Variants in SMURF2 observed in about 807,000 individuals in gnomAD.
SMURF2 encodes E3 ubiquitin-protein ligase SMURF2.
In SMURF2, 48 loss-of-function variants were observed where a neutral mutation model predicts 109.6. The observed-to-expected ratio is 0.44, with a 90% CI of 0.35 to 0.56. The LOEUF is 0.56. Among genes scored for constraint, SMURF2 ranks in the 20% least tolerant of loss-of-function variants. The pLI, the probability that SMURF2 is intolerant of heterozygous loss-of-function variation, is 0.01. For missense variants in SMURF2, 575 were observed against 909.0 expected, an observed-to-expected ratio of 0.63 and a Z score of 4.72; for synonymous variants, 288 against 317.1, an observed-to-expected ratio of 0.91 and a Z score of 0.97.
rs574677231 is a variant in SMURF2 at position 64,653,566 on chromosome 17, T to G, written c.52+8263A>C. Among the ~76,000 whole-genome samples the G allele has an allele frequency of 6.6e-5, 10 of 152,150 alleles. No homozygotes were observed. In the South Asian group the frequency reaches 2.1e-3, roughly 32 times the overall value. ...CTTCCCAGGCCCAATCAATCCTCCA[T>G]CAGCTTCTCAGGTAGCTGATACTAC... On this transcript the variant is annotated intron_variant, in intron 1 of 18. Transcript: ENST00000262435.
intron 3 of SMURF2, among the ~76,000 whole-genome samples, chr17:64,597,510 T>A (rs1239991945): frequency 6.6e-6 from 1 of 152,158 alleles, no homozygotes; most frequent in Non-Finnish European, 1.5e-5. Flanking sequence ...CAGTGGCTCA[T>A]GTCTGTAATC....
intron 12 of SMURF2, among the ~76,000 whole-genome samples, chr17:64,559,610 A>G (rs1414809890): frequency 1.3e-5 from 2 of 151,682 alleles, no homozygotes; most frequent in African/African-American, 2.4e-5. Context: ...CAACAACAAA[A>G]AAAACTGACT....
In SMURF2 at chr17:64,545,690, C is replaced by A; in HGVS notation, c.*158G>T. 2.4e-6 allele frequency: 1 copy of A among 421,098 alleles called. No homozygotes were observed. The highest frequency in any genetic ancestry group is 4.7e-5 in the South Asian group (1 of 21,360). 26.1% of individuals were successfully genotyped at this position (421,098 alleles called of 1,614,324 possible). The stretch of plus-strand genomic sequence containing the variant: ...CTTGAAAAGGAATTTCAAAATTGTC[C>A]TTTCCCCTCACAGTGTCCTAAAATG... On this transcript the variant is annotated 3_prime_UTR_variant, in exon 19 of 19. Transcript: ENST00000262435.
intron 7 of SMURF2, among the ~76,000 whole-genome samples, chr17:64,582,521 A>T (rs1377831235): frequency 6.6e-6 from 1 of 152,234 alleles, no homozygotes; most frequent in Non-Finnish European, 1.5e-5. Context: ...AAGTGACCAT[A>T]CCTGACATTC....
intron 1 of SMURF2, among the ~76,000 whole-genome samples, chr17:64,616,836 A>G (rs1446616431): frequency 1.3e-5 from 2 of 151,794 alleles, no homozygotes; most frequent in Admixed American, 6.6e-5. Flanking sequence ...TGAGACGTCT[A>G]GGCGGGCTGA....
chr17:64,579,587 G>A (rs186537320), intron 8 of SMURF2, among the ~76,000 whole-genome samples: 1 of 152,230 alleles, frequency 6.6e-6, no homozygotes, highest in East Asian at 1.9e-4. Context: ...CCACTCTAAA[G>A]AGCTTGCCTT....
intron 1 of SMURF2, among the ~76,000 whole-genome samples, chr17:64,615,451 G>C (rs1343509744): frequency 6.6e-6 from 1 of 152,128 alleles, no homozygotes. Context: ...ACAAATTCCA[G>C]CAGGTGGCCC....
chr17:64,600,437 T>TAA (rs1441809774), intron 2 of SMURF2, among the ~76,000 whole-genome samples: 2 of 152,196 alleles, frequency 1.3e-5, no homozygotes, highest in African/African-American at 4.8e-5. Flanking sequence ...AAAACAGCGT[T>TAA]AAGTGTTGGT....
chr17:64,588,456 ATAAT>A (rs1405727507), intron 5 of SMURF2, among the ~76,000 whole-genome samples: 3 of 152,248 alleles, frequency 2.0e-5, no homozygotes, highest in South Asian at 2.1e-4. Context: ...TCCTTTAAAA[ATAAT>A]TAATTACAAA....
In SMURF2 at chr17:64,581,743, G is replaced by A. The variant is rs189223615; in HGVS notation, c.570-752C>T. 3.0e-3 allele frequency among the ~76,000 whole-genome samples: 463 copies of A among 152,118 alleles called. 2 individuals carry two copies. Among genetic ancestry groups the A allele is most frequent in the African/African-American group, 0.011 (450 of 41,522 alleles). ...GCGGATCACTTGAGGTCAGGAGTTT[G>A]AGACCAGCCTGGCCAACACAGCGAA... is the stretch of plus-strand genomic sequence containing the variant. On this transcript the variant is annotated intron_variant, in intron 7 of 18. Transcript: ENST00000262435. This position sits in a 1 kb window ranked among gnomAD's most constrained non-coding sequence, Gnocchi z 4.3.
At chr17:64,613,546 G>T (rs1363162518) in intron 1 of SMURF2, among the ~76,000 whole-genome samples, 1 of 142,736 alleles carries the variant, frequency 7.0e-6, no homozygotes. Context: ...AGTAACAGGA[G>T]AGAAATCTTG....
chr17:64,657,532 A>G (rs1469827758), intron 1 of SMURF2, among the ~76,000 whole-genome samples: 6 of 138,636 alleles, frequency 4.3e-5, no homozygotes, highest in Non-Finnish European at 7.8e-5. Context: ...TCTGTACTGG[A>G]AAAAAAAAAA....
At chr17:64,588,126 T>C (rs1969691007) in intron 5 of SMURF2, among the ~76,000 whole-genome samples, 1 of 148,448 alleles carries the variant, frequency 6.7e-6, no homozygotes, top group Non-Finnish European at 1.5e-5. Context: ...TATGATAAAT[T>C]TAAACCAGTT....
intron 1 of SMURF2, among the ~76,000 whole-genome samples, chr17:64,649,688 C>T (rs1298976500): frequency 6.6e-6 from 1 of 151,886 alleles, no homozygotes; most frequent in Admixed American, 6.6e-5. Flanking sequence ...ACTAAAAATA[C>T]AAAAAATTAG....
At chr17:64,591,433 A>T (rs550965307) in intron 4 of SMURF2, among the ~76,000 whole-genome samples, 35 of 152,302 alleles carry the variant, frequency 2.3e-4, no homozygotes, top group African/African-American at 7.5e-4. Flanking sequence ...GTGAATCCTC[A>T]TATTTTTTTG....
intron 1 of SMURF2, among the ~76,000 whole-genome samples, chr17:64,653,079 ACTT>A (rs1454508235): frequency 6.8e-6 from 1 of 147,794 alleles, no homozygotes; most frequent in Non-Finnish European, 1.5e-5. Flanking sequence ...AGCATTCAAA[ACTT>A]CTTCTCTTTG....
chr17:64,660,461 T>C (rs1378864803), intron 1 of SMURF2, among the ~76,000 whole-genome samples: 3 of 152,202 alleles, frequency 2.0e-5, no homozygotes, highest in African/African-American at 4.8e-5. Flanking sequence ...CAGTTAATGA[T>C]TCCCTGCAAT....
chr17:64,560,978 A>G (rs1382200828), intron 12 of SMURF2: 1 of 155,292 alleles, frequency 6.4e-6, no homozygotes, highest in South Asian at 2.0e-4. Flanking sequence ...AAAAAAAAAA[A>G]AAAAAAAAAA....
In SMURF2 at chr17:64,610,556, A is replaced by G. The variant is rs138673917; in HGVS notation, c.53-3916T>C. Among the ~76,000 whole-genome samples the G allele has an allele frequency of 7.2e-3, 1,095 of 152,274 alleles. 8 individuals carry two copies. The highest frequency in any genetic ancestry group is 0.025 in the African/African-American group (1,047 of 41,544). ...CTCACTTATAAGTGGGAGTTGAACA[A>G]TGAGAACACATGGACACATGGAGGG... On this transcript the variant is annotated intron_variant, in intron 1 of 18. Transcript: ENST00000262435.
Sources: allele counts gnomAD v4.1 joint callset (sites outside exome capture counted in the v4.1 genomes callset), GRCh38; gene constraint gnomAD v4.1.1; non-coding constraint Gnocchi (gnomAD v3.1); transcripts MANE v1.5; gene names NCBI Gene and HGNC (gene_info 2026-07-23, HGNC 2026-07-21).